RIN2: variants seen among roughly 807,000 people sequenced by gnomAD.
The protein encoded by RIN2 is RAB5 interacting protein 2.
In RIN2, 36 loss-of-function variants were observed where a neutral mutation model predicts 78.0. The observed-to-expected ratio is 0.46, with a 90% CI of 0.35 to 0.61. The LOEUF (loss-of-function observed/expected upper bound fraction) is 0.61. RIN2 is among the 20% of genes least tolerant of loss of function. RIN2 has a pLI of 0.00. For synonymous variants in RIN2, 466 were observed against 466.8 expected (o/e 1.00, Z 0.02); for missense variants, 1,087 against 1,159.7 (o/e 0.94, Z 0.91).
chr20:19,988,170 G>A lies in RIN2; in HGVS notation c.1763-1836G>A, dbSNP rs574933455. 2.6e-3 allele frequency among the ~76,000 whole-genome samples: 397 copies of A among 152,330 alleles called. 2 individuals are homozygous for A. The highest frequency in any genetic ancestry group is 4.9e-3 in the Non-Finnish European group (333 of 68,030). ...GTCTCATTCTGTCACTCAGGCTGGA[G>A]TGCAGTGGCAGGATCTCGGCTCACT... On this transcript the variant is annotated intron_variant, in intron 9 of 12. Coordinates refer to ENST00000255006, the MANE Select transcript of RIN2 (RefSeq NM_018993.4).
At chr20:19,824,464 G>T (rs930452338) in intron 2 of RIN2, among the ~76,000 whole-genome samples, 1 of 152,062 alleles carries the variant, frequency 6.6e-6, no homozygotes, top group African/African-American at 2.4e-5. Flanking sequence ...AACGCAGGCA[G>T]GTGTAGATTT....
chr20:19,903,849 A>G (rs2039095970), intron 3 of RIN2, among the ~76,000 whole-genome samples: 1 of 152,204 alleles, frequency 6.6e-6, no homozygotes, highest in South Asian at 2.1e-4. Context: ...TCATGTATTT[A>G]GCACCCAGTG....
At chr20:19,813,623 A>G (rs1600518024) in intron 2 of RIN2, among the ~76,000 whole-genome samples, 1 of 150,440 alleles carries the variant, frequency 6.6e-6, no homozygotes, top group South Asian at 2.1e-4. Flanking sequence ...AGACAGGTGC[A>G]TAAAAATTCT....
rs148919307 is a variant in RIN2 at position 19,872,111 on chromosome 20, C to T, written c.-36-17455C>T. On this transcript the variant is annotated intron_variant, in intron 2 of 12. Coordinates refer to ENST00000255006, the MANE Select transcript of RIN2 (RefSeq NM_018993.4). ...CCTAGTGATAGTAACTGAGTGCTCA[C>T]GAGATCTGATGGTTTTATAAGAGTT... 6.0e-4 allele frequency: 92 copies of T among 152,202 alleles called. 1 individual carries two copies. The highest frequency in any genetic ancestry group is 2.0e-3 in the African/African-American group (85 of 41,542). 9.4% of individuals were successfully genotyped at this position (152,202 alleles called of 1,614,324 possible).
intron 3 of RIN2, among the ~76,000 whole-genome samples, chr20:19,927,869 A>T (rs1289138630): frequency 6.6e-6 from 1 of 151,676 alleles, no homozygotes; most frequent in African/African-American, 2.4e-5. Context: ...TTTAAATAGG[A>T]AGAGGATTAG....
chr20:19,827,580 C>T (rs1452678807), intron 2 of RIN2, among the ~76,000 whole-genome samples: 2 of 152,196 alleles, frequency 1.3e-5, no homozygotes, highest in Non-Finnish European at 2.9e-5. Context: ...AATAATCTCA[C>T]ATGCATTTAA....
At position 19,767,210 on chromosome 20, in the gene RIN2, T is replaced by A. The variant is rs913525840; in HGVS notation, c.-163+8883T>A. Among the ~76,000 whole-genome samples, 4 of 152,124 alleles carry A rather than the reference T, an allele frequency of 2.6e-5. No individual in the cohort carries two copies. The East Asian group carries it at 7.7e-4, about 29-fold the overall frequency. Reference sequence around the variant, plus strand: ...AATGTGACTGGACAAACAGTCTGATTGAGTGCGAACAGACTGCTTGGGGAG... The same window carrying A: ...AATGTGACTGGACAAACAGTCTGATAGAGTGCGAACAGACTGCTTGGGGAG... On this transcript the variant is annotated intron_variant, in intron 1 of 12. Coordinates refer to ENST00000255006, the MANE Select transcript of RIN2 (RefSeq NM_018993.4).
chr20:19,798,179 T>G (rs183363441), intron 1 of RIN2, among the ~76,000 whole-genome samples: 19 of 152,310 alleles, frequency 1.2e-4, no homozygotes, highest in Admixed American at 3.9e-4. Flanking sequence ...GAGCAATGCT[T>G]TGAAATATAA....
At chr20:19,912,940 G>A (rs1423039759) in intron 3 of RIN2, among the ~76,000 whole-genome samples, 1 of 152,224 alleles carries the variant, frequency 6.6e-6, no homozygotes, top group African/African-American at 2.4e-5. Flanking sequence ...CCATGAGCGT[G>A]CGGTGCACAG....
rs374866834 is a variant in RIN2, at chr20:19,913,234, GT to G, written c.58-21855del. Reference sequence around the variant, plus strand: ...CACACTGTAGCTCTCAGATCTTACTGTTTTTTTTTTAATTGTGATAAAGCAT... The same window carrying G: ...CACACTGTAGCTCTCAGATCTTACTGTTTTTTTTTAATTGTGATAAAGCAT... On this transcript the variant is annotated intron_variant, in intron 3 of 12. Coordinates refer to ENST00000255006, the MANE Select transcript of RIN2 (RefSeq NM_018993.4). Among the ~76,000 whole-genome samples, 468 of 148,560 alleles carry G rather than the reference GT, an allele frequency of 3.2e-3. 2 individuals are homozygous for G. The highest frequency in any genetic ancestry group is 9.8e-3 in the African/African-American group (396 of 40,550).
At chr20:19,786,696 G>A (rs2034688387) in intron 1 of RIN2, among the ~76,000 whole-genome samples, 2 of 152,328 alleles carry the variant, frequency 1.3e-5, no homozygotes, top group Admixed American at 6.5e-5. Flanking sequence ...GCGTGAAGAT[G>A]CATGAAGCCA....
chr20:19,860,077 G>A (rs760784759), intron 2 of RIN2, among the ~76,000 whole-genome samples: 1 of 152,282 alleles, frequency 6.6e-6, no homozygotes, highest in Admixed American at 6.5e-5. Context: ...AAAGGAGCTG[G>A]GTGTTTATTT....
rs56232608 is a variant in RIN2, at chr20:19,893,767, C to G, written c.57+4109C>G. Among the ~76,000 whole-genome samples the G allele has an allele frequency of 3.2e-3, 481 of 152,290 alleles. 2 individuals are homozygous for G. Among genetic ancestry groups the G allele is most frequent in the African/African-American group, 0.01 (423 of 41,570 alleles). On this transcript the variant is annotated intron_variant, in intron 3 of 12. Coordinates refer to ENST00000255006, the MANE Select transcript of RIN2 (RefSeq NM_018993.4). ...ACCATCTGGGAAAAGTGGTATCTTC[C>G]TGCTCCACAAAACATATGGCAGAGC... is the stretch of plus-strand genomic sequence containing the variant.
Position 19,949,221 on chromosome 20 carries a change from G to T in RIN2, c.159-7394G>T, listed in dbSNP as rs1248628784. On this transcript the variant is annotated intron_variant, in intron 4 of 12. Coordinates refer to ENST00000255006, the MANE Select transcript of RIN2 (RefSeq NM_018993.4). ...CGCTTGAGCCTGGGAGGCAGAGGTT[G>T]CAGTGAGCCAAGACTGCACCATTGC... Among the ~76,000 whole-genome samples the T allele has an allele frequency of 3.3e-5, 5 of 152,344 alleles. 1 individual carries two copies. Among genetic ancestry groups the T allele is most frequent in the Admixed American group, 6.5e-5 (1 of 15,306 alleles).
rs1337904011 is a variant in RIN2, at chr20:19,773,668, A to G, written c.-163+15341A>G. Among the ~76,000 whole-genome samples, 4 of 152,136 alleles carry G rather than the reference A, an allele frequency of 2.6e-5. No individual in the cohort carries two copies. In the East Asian group the frequency reaches 7.8e-4, roughly 30 times the overall value. ...CCTGACTGGTTTCTGTGATCTCTCC[A>G]TGGTACTGCTGAGTGCCAGGTACAT... On this transcript the variant is annotated intron_variant, in intron 1 of 12. Coordinates refer to ENST00000255006, the MANE Select transcript of RIN2 (RefSeq NM_018993.4).
At chr20:19,895,997 C>T (rs539608794) in intron 3 of RIN2, 14 of 152,264 alleles carry the variant, frequency 9.2e-5, no homozygotes, top group Admixed American at 9.2e-4. Context: ...GGTCCAACTG[C>T]ACATCTCAGG....
intron 3 of RIN2, among the ~76,000 whole-genome samples, chr20:19,926,148 A>G (rs2146077624): frequency 6.6e-6 from 1 of 152,344 alleles, no homozygotes; most frequent in Non-Finnish European, 1.5e-5. Flanking sequence ...AGGATGATAC[A>G]CACAAAACTG....
At chr20:19,921,051 T>C (rs2039896761) in intron 3 of RIN2, among the ~76,000 whole-genome samples, 1 of 152,200 alleles carries the variant, frequency 6.6e-6, no homozygotes, top group Middle Eastern at 3.4e-3. Flanking sequence ...CCTCTGGGAG[T>C]GCCACTGATC....
intron 2 of RIN2, among the ~76,000 whole-genome samples, chr20:19,830,439 C>A (rs978839266): frequency 6.6e-6 from 1 of 152,188 alleles, no homozygotes; most frequent in African/African-American, 2.4e-5. Flanking sequence ...GTAGCATCTT[C>A]CTGCCACATG....
Sources: gnomAD v4.1 joint callset for allele counts (sites outside exome capture counted in the v4.1 genomes callset) on GRCh38, gnomAD v4.1.1 for gene constraint, MANE v1.5 for transcripts, NCBI Gene and HGNC (gene_info 2026-07-23, HGNC 2026-07-21) for gene names.